The following TMEM245 variants were observed in gnomAD, a reference collection of about 807,000 sequenced individuals.
TMEM245 encodes protein CG-2.
Under a neutral mutation model 101.2 loss-of-function variants are expected in TMEM245, and 69 were observed. The ratio of observed to expected loss-of-function variants is 0.68; its 90% confidence interval spans 0.56 to 0.83. TMEM245 has a LOEUF of 0.83. TMEM245 is among the 40% of genes least tolerant of loss of function. TMEM245 has a pLI of 0.00. For synonymous variants in TMEM245, 537 were observed against 449.8 expected (o/e 1.19, Z -2.45); for missense variants, 1,075 against 1,092.8 (o/e 0.98, Z 0.23).
intron 4 of TMEM245, among the ~76,000 whole-genome samples, chr9:109,091,584 T>G (rs189929301): frequency 2.0e-5 from 3 of 152,212 alleles, no homozygotes; most frequent in African/African-American, 7.2e-5. Context: ...ACAAGAAGAC[T>G]TTTCAGTGTT....
chr9:109,078,619 T>C (rs189626840), intron 8 of TMEM245, among the ~76,000 whole-genome samples: 12 of 152,360 alleles, frequency 7.9e-5, no homozygotes, highest in Admixed American at 1.3e-4. Context: ...ACTAACTGTA[T>C]TGTTCCCCTG....
intron 8 of TMEM245, among the ~76,000 whole-genome samples, chr9:109,076,583 T>A (rs940596675): frequency 2.6e-5 from 4 of 152,232 alleles, no homozygotes; most frequent in South Asian, 2.1e-4. Context: ...TTAACTAATG[T>A]TATATACACC....
chr9:109,089,250 C>G (rs1402031473), intron 5 of TMEM245, among the ~76,000 whole-genome samples: 1 of 150,458 alleles, frequency 6.6e-6, no homozygotes, highest in Non-Finnish European at 1.5e-5. Flanking sequence ...AAAAAAAATA[C>G]AGATACAAAC....
intron 8 of TMEM245, among the ~76,000 whole-genome samples, chr9:109,079,558 A>G (rs969990947): frequency 6.6e-6 from 1 of 152,134 alleles, no homozygotes; most frequent in Admixed American, 6.6e-5. Flanking sequence ...TAGATAACCA[A>G]TAAGGTTCCC....
intron 2 of TMEM245, among the ~76,000 whole-genome samples, chr9:109,107,782 G>T (rs1454662950): frequency 6.6e-6 from 1 of 152,136 alleles, no homozygotes; most frequent in Non-Finnish European, 1.5e-5. Context: ...GGAGATGAAA[G>T]TCTCAACCAT....
chr9:109,107,469 C>T (rs1283274041), intron 2 of TMEM245, among the ~76,000 whole-genome samples: 1 of 151,706 alleles, frequency 6.6e-6, no homozygotes, highest in Non-Finnish European at 1.5e-5. Context: ...TTCCCTGAGT[C>T]CACCTAGAAC....
At position 109,064,960 on chromosome 9, in the gene TMEM245, T is replaced by C. The variant is rs576102652; in HGVS notation, c.1533-393A>G. On this transcript the variant is annotated intron_variant, in intron 9 of 17. Coordinates refer to ENST00000374586, the MANE Select transcript of TMEM245 (RefSeq NM_032012.4). ...ACGTCACCACGCCTGGCTAATTTTG[T>C]ATTTTAGTAGAGATAGGGTTTCACC... Among the ~76,000 whole-genome samples the C allele has an allele frequency of 2.0e-5, 3 of 152,208 alleles. No individual in the cohort carries two copies. In the South Asian group the frequency reaches 6.2e-4, roughly 32 times the overall value.
Position 109,018,117 on chromosome 9 carries a change from C to T in TMEM245, c.*2343G>A, listed in dbSNP as rs890402734. The stretch of plus-strand genomic sequence containing the variant: ...ATGCTAATAATTACCCAGCAAGAAA[C>T]ATTAGCTGTAGTTTTTTGCAATATC... On this transcript the variant is annotated 3_prime_UTR_variant, in exon 18 of 18. Coordinates refer to ENST00000374586, the MANE Select transcript of TMEM245 (RefSeq NM_032012.4). 3 of 152,160 alleles carry T rather than the reference C, an allele frequency of 2.0e-5. No individual in the cohort carries two copies. The highest frequency in any genetic ancestry group is 6.5e-5 in the Admixed American group (1 of 15,268). 9.4% of individuals were successfully genotyped at this position (152,160 alleles called of 1,614,324 possible). A position where few individuals can be genotyped will look rare whatever the true frequency, so the allele number is the denominator to read the frequency against.
At chr9:109,064,016 C>A (rs1829092177) in intron 10 of TMEM245, among the ~76,000 whole-genome samples, 2 of 152,168 alleles carry the variant, frequency 1.3e-5, no homozygotes, top group South Asian at 4.1e-4. Context: ...ACTGACTCAG[C>A]CTTGCTGAGT....
intron 1 of TMEM245, among the ~76,000 whole-genome samples, chr9:109,111,579 T>A (rs1407606985): frequency 6.6e-6 from 1 of 152,160 alleles, no homozygotes; most frequent in Non-Finnish European, 1.5e-5. Context: ...TAAAATATAC[T>A]CCCCAATTCT....
chr9:109,089,443 A>C (rs1829936480), intron 5 of TMEM245, among the ~76,000 whole-genome samples: 1 of 152,220 alleles, frequency 6.6e-6, no homozygotes, highest in Non-Finnish European at 1.5e-5. Flanking sequence ...AGACTTTTAG[A>C]CTACAGTGGA....
rs1828639682 is a variant in TMEM245 at position 109,050,431 on chromosome 9, G to A, written c.1978-3C>T. ...AATAGTGTGGTCAGGAAAATTATCT[G>A]CAAAACAAAGGACAACATCTCCTAA... On this transcript the variant is annotated splice_polypyrimidine_tract_variant and splice_region_variant and intron_variant, in intron 13 of 17. Coordinates refer to ENST00000374586, the MANE Select transcript of TMEM245 (RefSeq NM_032012.4). 1 of 1,613,690 alleles carries A rather than the reference G, an allele frequency of 6.2e-7. No individual in the cohort carries two copies. Among genetic ancestry groups the A allele is most frequent in the Admixed American group, 1.7e-5 (1 of 59,932 alleles).
At chr9:109,050,027 A>C (rs905090613) in intron 14 of TMEM245, among the ~76,000 whole-genome samples, 2 of 152,180 alleles carry the variant, frequency 1.3e-5, no homozygotes, top group African/African-American at 4.8e-5. Context: ...CCTGGCCTCA[A>C]GCAATCTTCC....
chr9:109,105,007 A>T (rs564115068), intron 3 of TMEM245, among the ~76,000 whole-genome samples: 15 of 152,206 alleles, frequency 9.9e-5, no homozygotes, highest in Non-Finnish European at 1.9e-4. Flanking sequence ...AAAGTAGATA[A>T]ACTGGACTTC....
intron 9 of TMEM245, among the ~76,000 whole-genome samples, chr9:109,069,397 C>T (rs1829263671): frequency 1.3e-5 from 2 of 152,162 alleles, no homozygotes; most frequent in African/African-American, 4.8e-5. Flanking sequence ...TTGCCTAGAT[C>T]CCAGGTGGCT....
Position 109,018,474 on chromosome 9 carries a change from C to T in TMEM245, c.*1986G>A, listed in dbSNP as rs1827514860. 6.6e-6 allele frequency: 1 copy of T among 152,100 alleles called. No individual in the cohort carries two copies. The highest frequency in any genetic ancestry group is 2.1e-4 in the South Asian group (1 of 4,820). 9.4% of individuals were successfully genotyped at this position (152,100 alleles called of 1,614,324 possible). ...AGTTACTTAGTGACCAAATCTAATACTCAGTGGAATAGCTGATTATAATCG... is the reference window on the plus strand; with the variant it reads ...AGTTACTTAGTGACCAAATCTAATATTCAGTGGAATAGCTGATTATAATCG... On this transcript the variant is annotated 3_prime_UTR_variant, in exon 18 of 18. Coordinates refer to ENST00000374586, the MANE Select transcript of TMEM245 (RefSeq NM_032012.4).
Position 109,108,568 on chromosome 9 carries a change from G to A in TMEM245, c.582C>T (p.Ile194=). 1 of 1,586,650 alleles carries A rather than the reference G, an allele frequency of 6.3e-7. No individual in the cohort carries two copies. Among genetic ancestry groups the A allele is most frequent in the Admixed American group, 1.9e-5 (1 of 53,020 alleles). ...RGLDYFSSLW[I]WTLVVGYVLT... ...ACACATAGCCAACCACCAACGTCCA[G>A]ATCTTAAATAAATGAAAGACACAGC... Residue 194 remains isoleucine, a splice_region_variant and synonymous_variant, in exon 2 of 18, where the codon ATC becomes ATT. Coordinates refer to ENST00000374586, the MANE Select transcript of TMEM245 (RefSeq NM_032012.4).
At chr9:109,048,523 T>C (rs1385493869) in intron 14 of TMEM245, among the ~76,000 whole-genome samples, 1 of 152,052 alleles carries the variant, frequency 6.6e-6, no homozygotes, top group African/African-American at 2.4e-5. Flanking sequence ...AGCCAAAGAT[T>C]TGCTATTCAA....
chr9:109,099,632 G>A (rs1470826067), intron 3 of TMEM245, among the ~76,000 whole-genome samples: 2 of 152,046 alleles, frequency 1.3e-5, no homozygotes, highest in Admixed American at 1.3e-4. Flanking sequence ...TCACTAGACT[G>A]CTTAAAAAAA....
Sources: gnomAD v4.1 joint callset for allele counts (sites outside exome capture counted in the v4.1 genomes callset) on GRCh38, gnomAD v4.1.1 for gene constraint, MANE v1.5 for transcripts, NCBI Gene and HGNC (gene_info 2026-07-23, HGNC 2026-07-21) for gene names.